The following HIBCH variants were observed in gnomAD, a reference collection of about 807,000 sequenced individuals.
The protein encoded by HIBCH is 3-hydroxyisobutyryl-CoA hydrolase, mitochondrial.
Under a neutral mutation model 58.2 loss-of-function variants are expected in HIBCH, and 50 were observed. The ratio of observed to expected loss-of-function variants is 0.86; its 90% CI spans 0.68 to 1.09. HIBCH has a LOEUF of 1.09. Ranked by LOEUF, HIBCH falls within the 50% of genes least tolerant of loss-of-function variation. HIBCH has a pLI of 0.00. For synonymous variants in HIBCH, 151 were observed against 146.9 expected (o/e 1.03, Z -0.20); for missense variants, 450 against 449.7 (o/e 1.00, Z -0.01).
In HIBCH at chr2:190,290,397, A is replaced by G; in HGVS notation, c.385+8T>C. On this transcript the variant is annotated splice_region_variant and intron_variant, in intron 5 of 13. Transcript: ENST00000359678. ...CCATTTCCAAAGCTCTGAGCAGAAT[A>G]CACATACCAACAGCATTATTCAGCA... 1 of 1,571,198 alleles carries G rather than the reference A, an allele frequency of 6.4e-7. No individual in the cohort carries two copies. Among genetic ancestry groups the G allele is most frequent in the South Asian group, 1.1e-5 (1 of 90,248 alleles).
intron 11 of HIBCH, among the ~76,000 whole-genome samples, chr2:190,239,233 T>C (rs1575716060): frequency 6.6e-6 from 1 of 152,230 alleles, no homozygotes; most frequent in African/African-American, 2.4e-5. Flanking sequence ...CCTTTCCCCA[T>C]TGATTGTTTT....
In HIBCH at chr2:190,197,267, TTCC is replaced by T. The variant is rs1244775071; in HGVS notation, c.*18-7273_*18-7271del. 1.3e-5 allele frequency among the ~76,000 whole-genome samples: 2 copies of T among 152,168 alleles called. No homozygotes were observed. Among genetic ancestry groups the T allele is most frequent in the African/African-American group, 4.8e-5 (2 of 41,434 alleles). ...AACCTTGTTTAGGGTATACTACTGA[TTCC>T]TAAGGTGTCGCATTTCTTGAGTAGT... is the stretch of plus-strand genomic sequence containing the variant. On this transcript the variant is annotated intron_variant, in intron 1 of 1. Coordinates refer to the HIBCH transcript ENST00000399855. The surrounding 1 kb of genome is among the most constrained non-coding windows in gnomAD (Gnocchi z 4.0).
In HIBCH at chr2:190,210,599, C is replaced by T. The variant is rs191687762; in HGVS notation, c.1012-1686G>A. Among the ~76,000 whole-genome samples the T allele has an allele frequency of 2.4e-3, 366 of 152,334 alleles. 1 individual carries two copies. The highest frequency in any genetic ancestry group is 3.6e-3 in the Admixed American group (55 of 15,298). ...TCACCTAGTGGCTTCCCATTTTACT[C>T]AGCCAAAGTCCTTAGAGAGACCTTC... is the stretch of plus-strand genomic sequence containing the variant. On this transcript the variant is annotated intron_variant, in intron 12 of 13. Transcript: ENST00000359678. This position sits in a 1 kb window ranked among gnomAD's most constrained non-coding sequence, Gnocchi z 5.5.
chr2:190,260,590 T>C (rs1687061255), intron 7 of HIBCH: 1 of 152,372 alleles, frequency 6.6e-6, no homozygotes, highest in Non-Finnish European at 1.5e-5. Flanking sequence ...GGTGGAACAT[T>C]GTCACTACCT....
chr2:190,261,411 C>G (rs1687085749), intron 6 of HIBCH, among the ~76,000 whole-genome samples, 177 bp from the exon 7 acceptor site: 2 of 152,142 alleles, frequency 1.3e-5, no homozygotes, highest in African/African-American at 2.4e-5. Context: ...ATTCCACAAA[C>G]AGCACATGAC....
chr2:190,227,322 T>G (rs546469240), intron 11 of HIBCH, among the ~76,000 whole-genome samples: 1 of 152,092 alleles, frequency 6.6e-6, no homozygotes, highest in South Asian at 2.1e-4. Flanking sequence ...AATGGGGAAA[T>G]GATTCCCTAT....
chr2:190,281,590 C>G lies in HIBCH; in HGVS notation c.438+5996G>C, dbSNP rs961608326. ...ATATTCCCTTCCATTAAGTATTACT[C>G]TCTTTAGCAAAAATTGCTGCGCCAC... On this transcript the variant is annotated intron_variant, in intron 6 of 13. Transcript: ENST00000359678. This position sits in a 1 kb window ranked among gnomAD's most constrained non-coding sequence, Gnocchi z 5.4. 1.3e-5 allele frequency among the ~76,000 whole-genome samples: 2 copies of G among 152,194 alleles called. No individual in the cohort carries two copies. The highest frequency in any genetic ancestry group is 4.8e-5 in the African/African-American group (2 of 41,450).
At chr2:190,251,313 A>G (rs959540577) in intron 8 of HIBCH, among the ~76,000 whole-genome samples, 2 of 152,122 alleles carry the variant, frequency 1.3e-5, no homozygotes, top group East Asian at 3.9e-4. Flanking sequence ...TTGAAAGCTG[A>G]CTTTACCCCA....
At position 190,217,359 on chromosome 2, in the gene HIBCH, CT is replaced by C. The variant is rs1216369009; in HGVS notation, c.892-4285del. Among the ~76,000 whole-genome samples the C allele has an allele frequency of 6.6e-6, 1 of 152,166 alleles. No individual in the cohort carries two copies. Among genetic ancestry groups the C allele is most frequent in the Non-Finnish European group, 1.5e-5 (1 of 68,026 alleles). On this transcript the variant is annotated intron_variant, in intron 11 of 13. Coordinates refer to ENST00000359678, the MANE Select transcript of HIBCH (RefSeq NM_014362.4). This position sits in a 1 kb window ranked among gnomAD's most constrained non-coding sequence, Gnocchi z 4.6. ...ATCAGCTGGGTGTGGTGACACATGCCTGTAATCCCAGCTACTTGGGAGGCTG... is the reference window on the plus strand; with the variant it reads ...ATCAGCTGGGTGTGGTGACACATGCCGTAATCCCAGCTACTTGGGAGGCTG...
intron 6 of HIBCH, among the ~76,000 whole-genome samples, chr2:190,276,813 G>C (rs556364475): frequency 6.6e-6 from 1 of 152,080 alleles, no homozygotes; most frequent in African/African-American, 2.4e-5. Context: ...TTAAAAATCT[G>C]TAGATGGCAC....
chr2:190,220,991 T>C (rs1036298252), intron 11 of HIBCH, among the ~76,000 whole-genome samples: 3 of 152,200 alleles, frequency 2.0e-5, no homozygotes, highest in African/African-American at 7.2e-5. Flanking sequence ...CCTGGATTTC[T>C]CAAAACACAG....
chr2:190,264,224 C>T (rs1483632136), intron 6 of HIBCH, among the ~76,000 whole-genome samples: 1 of 151,868 alleles, frequency 6.6e-6, no homozygotes, highest in East Asian at 1.9e-4. Context: ...GTCTACCATT[C>T]CCCACTTTCT....
chr2:190,224,225 T>C (rs1401334231), intron 11 of HIBCH, among the ~76,000 whole-genome samples: 1 of 152,226 alleles, frequency 6.6e-6, no homozygotes, highest in East Asian at 1.9e-4. Context: ...CGGCCATTGC[T>C]GATGCTTGAG....
chr2:190,271,215 CCAT>C (rs1480592901), intron 6 of HIBCH, among the ~76,000 whole-genome samples: 1 of 151,626 alleles, frequency 6.6e-6, no homozygotes, highest in African/African-American at 2.4e-5. Flanking sequence ...TCATCAAAAC[CCAT>C]CAAGTCTTCT....
At position 190,265,122 on chromosome 2, in the gene HIBCH, C is replaced by CAAAAAAAA. The variant is rs1167140474; in HGVS notation, c.439-3896_439-3889dup. 2.0e-3 allele frequency among the ~76,000 whole-genome samples: 110 copies of CAAAAAAAA among 56,276 alleles called. 12 individuals are homozygous for CAAAAAAAA. The highest frequency in any genetic ancestry group is 6.5e-3 in the African/African-American group (88 of 13,560). The allele number at this position is 56,276 out of a possible 152,430, so 36.9% of individuals were successfully genotyped here. On this transcript the variant is annotated intron_variant, in intron 6 of 13. Transcript: ENST00000359678. ...TGGAGGACAGAGCAAGACTCCGTCT[C>CAAAAAAAA]AAAAAAAAAAAAAAAAAAAAAAAAA...
chr2:190,239,647 G>GTTTTTTTT (rs60949644), intron 11 of HIBCH, among the ~76,000 whole-genome samples: 22 of 127,512 alleles, frequency 1.7e-4, no homozygotes, highest in African/African-American at 6.5e-4. Context: ...GTGGTTTGTA[G>GTTTTTTTT]TTTTTTTTTT....
chr2:190,205,216 G>C lies in HIBCH; in HGVS notation c.1062C>G (p.Asp354Glu). ...CAGCTGGTTTCCATTTTGGACTCTG[G>C]TCTTTATCAATTAAAACTGTCAAGA... ...EGVRAVLIDK[D>E]QSPKWKPADL... Residue 354 changes from aspartate (D) to glutamate (E), a missense_variant, in exon 14 of 14, where the codon GAC becomes GAG. Transcript: ENST00000359678. The C allele has an allele frequency of 1.3e-6, 2 of 1,579,716 alleles. No individual in the cohort carries two copies. The highest frequency in any genetic ancestry group is 1.7e-6 in the Non-Finnish European group (2 of 1,149,150).
intron 8 of HIBCH, chr2:190,250,583 G>A: frequency 4.3e-6 from 1 of 232,066 alleles, no homozygotes. Flanking sequence ...CTGTAATCAA[G>A]GGTGTCCCTT....
At chr2:190,283,116 G>T (rs1035568840) in intron 6 of HIBCH, among the ~76,000 whole-genome samples, 1 of 152,062 alleles carries the variant, frequency 6.6e-6, no homozygotes, top group African/African-American at 2.4e-5. Context: ...GAACATTTCC[G>T]ATTTCAGATT....
Sources: allele counts gnomAD v4.1 joint callset (sites outside exome capture counted in the v4.1 genomes callset), GRCh38; gene constraint gnomAD v4.1.1; non-coding constraint Gnocchi (gnomAD v3.1); transcripts MANE v1.5; gene names NCBI Gene and HGNC (gene_info 2026-07-23, HGNC 2026-07-21).